Variants in GTF2B observed in about 807,000 individuals in gnomAD.
GTF2B encodes transcription initiation factor IIB.
GTF2B carries 20 observed loss-of-function variants against 34.6 expected under a neutral mutation model. The observed-to-expected ratio is 0.58, with a 90% CI of 0.41 to 0.84. The LOEUF is 0.84. Among genes scored for constraint, GTF2B ranks in the 40% least tolerant of loss-of-function variants. The probability of loss-of-function intolerance (pLI) is 0.00; values close to 1 mark genes in which losing one functional copy is unlikely to be tolerated. For missense variants in GTF2B, 237 were observed against 393.3 expected (o/e 0.60, Z 3.36); for synonymous variants, 142 against 132.4 (o/e 1.07, Z -0.50).
intron 2 of GTF2B, among the ~76,000 whole-genome samples, chr1:88,880,371 C>T (rs1218114433): frequency 1.3e-5 from 2 of 152,174 alleles, no homozygotes; most frequent in South Asian, 4.1e-4. Context: ...GAGGTAAAGG[C>T]TGAACTGAGC....
At chr1:88,882,570 C>T (rs888157452) in intron 2 of GTF2B, among the ~76,000 whole-genome samples, 9 of 152,144 alleles carry the variant, frequency 5.9e-5, no homozygotes, top group African/African-American at 1.9e-4. Context: ...TACATGTCTA[C>T]TAATGAGGAA....
intron 1 of GTF2B, 39 bp from the exon 2 acceptor site, chr1:88,887,406 A>G (rs1170545012): frequency 5.1e-6 from 6 of 1,168,160 alleles, no homozygotes; most frequent in Non-Finnish European, 7.7e-6. Flanking sequence ...CTTCCCAACC[A>G]ACATGTATCA....
chr1:88,876,886 C>A (rs931334246), intron 2 of GTF2B, among the ~76,000 whole-genome samples: 2 of 152,136 alleles, frequency 1.3e-5, no homozygotes, highest in Non-Finnish European at 2.9e-5. Context: ...GTAAAGCCAA[C>A]CCTCAATTCT....
At chr1:88,871,266 C>T (rs1353117499) in intron 2 of GTF2B, among the ~76,000 whole-genome samples, 2 of 152,156 alleles carry the variant, frequency 1.3e-5, no homozygotes, top group African/African-American at 2.4e-5. Context: ...TACTTTAATA[C>T]TTACATGTTA....
At chr1:88,865,877 A>AAAAAAAC (rs146788070) in intron 2 of GTF2B, among the ~76,000 whole-genome samples, 4 of 150,370 alleles carry the variant, frequency 2.7e-5, no homozygotes, top group African/African-American at 9.9e-5. Flanking sequence ...AACAAACAAA[A>AAAAAAAC]ATTAATCTCC....
intron 2 of GTF2B, among the ~76,000 whole-genome samples, chr1:88,879,472 C>T (rs1047931636): frequency 6.6e-6 from 1 of 150,796 alleles, no homozygotes; most frequent in African/African-American, 2.4e-5. Flanking sequence ...CCCAGCTACT[C>T]AGGCAGGAGG....
At chr1:88,884,293 TG>T (rs1380058684) in intron 2 of GTF2B, among the ~76,000 whole-genome samples, 1 of 152,214 alleles carries the variant, frequency 6.6e-6, no homozygotes, top group Non-Finnish European at 1.5e-5. Context: ...CCGAAAGTGC[TG>T]GGATTACAGG....
chr1:88,869,650 C>T (rs902463905), intron 2 of GTF2B, among the ~76,000 whole-genome samples: 8 of 151,906 alleles, frequency 5.3e-5, no homozygotes, highest in Admixed American at 5.3e-4. Context: ...TCCCCCGAGA[C>T]GGAGTCTCAC....
intron 2 of GTF2B, 56 bp downstream of exon 2, chr1:88,887,205 C>T: frequency 4.4e-6 from 5 of 1,124,808 alleles, no homozygotes; most frequent in Non-Finnish European, 5.4e-6. Flanking sequence ...AGGCGTGAGC[C>T]ACCATGCTTG....
chr1:88,869,828 T>A (rs984117026), intron 2 of GTF2B, among the ~76,000 whole-genome samples: 3 of 151,882 alleles, frequency 2.0e-5, no homozygotes, highest in Non-Finnish European at 2.9e-5. Context: ...TTTCACCAGG[T>A]TTGCCAGGCT....
chr1:88,890,763 A>C lies in GTF2B; in HGVS notation c.17+720T>G, dbSNP rs544093960. ...TAAAGGCTGTTTCTGAGGGTACTGCATGCATTTCCTGTAGATATGAGTACA... is the reference window on the plus strand; with the variant it reads ...TAAAGGCTGTTTCTGAGGGTACTGCCTGCATTTCCTGTAGATATGAGTACA... On this transcript the variant is annotated intron_variant, in intron 1 of 6. Transcript: ENST00000370500. Among the ~76,000 whole-genome samples, 5 of 152,298 alleles carry C rather than the reference A, an allele frequency of 3.3e-5. No homozygotes were observed. The East Asian group carries it at 9.6e-4, about 29-fold the overall frequency.
In GTF2B at chr1:88,862,566, G is replaced by A. The variant is rs569646154; in HGVS notation, c.258+1415C>T. On this transcript the variant is annotated intron_variant, in intron 3 of 6. Coordinates refer to ENST00000370500, the MANE Select transcript of GTF2B (RefSeq NM_001514.6). ...TCAAAAACAAAACAGACTATACAGG[G>A]TTCGGCATGGTAAACTCATGCCTGT... Among the ~76,000 whole-genome samples, 18 of 152,198 alleles carry A rather than the reference G, an allele frequency of 1.2e-4. No homozygotes were observed. The South Asian group carries it at 1.9e-3, about 16-fold the overall frequency.
In GTF2B at chr1:88,853,022, A is replaced by G. The variant is rs1160730169; in HGVS notation, c.*191T>C. ...CCTAGATTGCTACAAAAGAAATTTG[A>G]TAAGAAATTTAAATCATTAAATATG... is the stretch of plus-strand genomic sequence containing the variant. On this transcript the variant is annotated 3_prime_UTR_variant, in exon 7 of 7. Coordinates refer to ENST00000370500, the MANE Select transcript of GTF2B (RefSeq NM_001514.6). 2 of 506,766 alleles carry G rather than the reference A, an allele frequency of 3.9e-6. No individual in the cohort carries two copies. The highest frequency in any genetic ancestry group is 7.0e-6 in the Non-Finnish European group (2 of 286,902). 31.4% of individuals were successfully genotyped at this position (506,766 alleles called of 1,614,324 possible).
At chr1:88,860,802 G>C (rs947785131) in intron 3 of GTF2B, among the ~76,000 whole-genome samples, 1 of 152,126 alleles carries the variant, frequency 6.6e-6, no homozygotes, top group African/African-American at 2.4e-5. Context: ...CTTTACATTA[G>C]AAAACCACTC....
At chr1:88,862,392 AT>A (rs1371014337) in intron 3 of GTF2B, among the ~76,000 whole-genome samples, 1 of 152,122 alleles carries the variant, frequency 6.6e-6, no homozygotes, top group Non-Finnish European at 1.5e-5. Context: ...AAATACAAAA[AT>A]TAGCCATGTG....
intron 2 of GTF2B, among the ~76,000 whole-genome samples, chr1:88,878,453 T>C (rs1335031625): frequency 6.6e-6 from 1 of 152,142 alleles, no homozygotes; most frequent in Non-Finnish European, 1.5e-5. Context: ...GCATTAACTA[T>C]AGCTACAAAA....
At chr1:88,857,950 G>C (rs1035623631) in intron 5 of GTF2B, among the ~76,000 whole-genome samples, 16 of 151,960 alleles carry the variant, frequency 1.1e-4, no homozygotes, top group African/African-American at 3.6e-4. Context: ...CCAAAGTGCT[G>C]AGATTACAGG....
intron 2 of GTF2B, 79 bp downstream of exon 2, chr1:88,887,182 G>T: frequency 1.1e-6 from 1 of 882,604 alleles, no homozygotes; most frequent in Non-Finnish European, 1.9e-6. Flanking sequence ...GCCTCCCGAA[G>T]TGCTGGAATT....
chr1:88,875,112 A>G (rs1029379745), intron 2 of GTF2B, among the ~76,000 whole-genome samples: 3 of 152,194 alleles, frequency 2.0e-5, no homozygotes, highest in Non-Finnish European at 4.4e-5. Flanking sequence ...GTCACTATAC[A>G]TTCTTACTGA....
Sources: gnomAD v4.1 joint callset for allele counts (sites outside exome capture counted in the v4.1 genomes callset) on GRCh38, gnomAD v4.1.1 for gene constraint, MANE v1.5 for transcripts, NCBI Gene and HGNC (gene_info 2026-07-23, HGNC 2026-07-21) for gene names.